ARHGEF4: variants seen among roughly 807,000 people sequenced by gnomAD.
The protein encoded by ARHGEF4 is APC-stimulated guanine nucleotide exchange factor 1.
Under a neutral mutation model 162.0 loss-of-function variants are expected in ARHGEF4, and 119 were observed. The ratio of observed to expected loss-of-function variants is 0.73; its 90% CI spans 0.63 to 0.86. The LOEUF (loss-of-function observed/expected upper bound fraction) is 0.86, where lower values mean the gene tolerates loss of function less well. Ranked by LOEUF, ARHGEF4 falls within the 40% of genes least tolerant of loss-of-function variation. The pLI is 0.00. For synonymous variants in ARHGEF4, 1,014 were observed against 979.9 expected (o/e 1.03, Z -0.65); for missense variants, 2,488 against 2,456.0 (o/e 1.01, Z -0.28).
chr2:131,015,937 T>C (rs1364053416), intron 4 of ARHGEF4, among the ~76,000 whole-genome samples: 1 of 152,162 alleles, frequency 6.6e-6, no homozygotes, highest in African/African-American at 2.4e-5. Context: ...CGTATCCCAG[T>C]CCCGCAGCGC....
At chr2:130,841,196 G>A (rs1489375576) in intron 1 of ARHGEF4, among the ~76,000 whole-genome samples, 4 of 151,794 alleles carry the variant, frequency 2.6e-5, no homozygotes, top group African/African-American at 4.8e-5. Context: ...TCCCAACTAG[G>A]TGGGATTACA....
chr2:130,851,510 C>T (rs1344572632), intron 1 of ARHGEF4, among the ~76,000 whole-genome samples: 1 of 152,204 alleles, frequency 6.6e-6, no homozygotes, highest in Non-Finnish European at 1.5e-5. Flanking sequence ...CGAGGCCTGC[C>T]CTTCGCCCAC....
chr2:130,837,744 G>A (rs1333219393), intron 1 of ARHGEF4: 1 of 345,978 alleles, frequency 2.9e-6, no homozygotes, highest in South Asian at 2.0e-5. Context: ...GTGGTGCTGA[G>A]CTCCGATGGG....
chr2:130,924,434 T>C (rs1375086551), intron 2 of ARHGEF4, among the ~76,000 whole-genome samples: 3 of 151,992 alleles, frequency 2.0e-5, no homozygotes, highest in Admixed American at 2.0e-4. Flanking sequence ...ACCCAGCTAA[T>C]TTTTTATAAT....
chr2:130,983,212 C>G (rs578050916), intron 4 of ARHGEF4, among the ~76,000 whole-genome samples: 47 of 152,258 alleles, frequency 3.1e-4, no homozygotes, highest in African/African-American at 9.6e-4. Context: ...AGATTAAACA[C>G]CATCATTTAA....
intron 4 of ARHGEF4, among the ~76,000 whole-genome samples, chr2:131,021,126 T>A (rs967890360): frequency 6.6e-6 from 1 of 151,966 alleles, no homozygotes; most frequent in African/African-American, 2.4e-5. Flanking sequence ...TGTTCTCCCA[T>A]TCTGTAGGTT....
chr2:131,012,053 T>G (rs2105334075), intron 4 of ARHGEF4: 1 of 642,096 alleles, frequency 1.6e-6, no homozygotes, highest in East Asian at 2.7e-5. Context: ...GCCAAGATTT[T>G]TGTTCTGAGC....
intron 4 of ARHGEF4, among the ~76,000 whole-genome samples, chr2:130,971,009 C>G (rs1245234894): frequency 2.0e-5 from 3 of 152,098 alleles, no homozygotes; most frequent in African/African-American, 7.2e-5. Flanking sequence ...CAGAGAGTTT[C>G]TTTTATGTTT....
Position 130,917,421 on chromosome 2 carries a change from G to A in ARHGEF4, c.3475G>A (p.Glu1159Lys). 2 of 1,550,672 alleles carry A rather than the reference G, an allele frequency of 1.3e-6. No homozygotes were observed. Among genetic ancestry groups the A allele is most frequent in the Non-Finnish European group, 1.7e-6 (2 of 1,147,016 alleles). Reference sequence around the variant, plus strand: ...GACGCTAAACCAAGATGAGCAGAAGGAAGAGAGCAGGGAAGGAGGCCAGGG... The same window carrying A: ...GACGCTAAACCAAGATGAGCAGAAGAAAGAGAGCAGGGAAGGAGGCCAGGG... ...LQTLNQDEQKEESREGGQGPR... is the reference protein window; with the variant it reads ...LQTLNQDEQKKESREGGQGPR... Residue 1159 changes from glutamate to lysine, a missense_variant, in exon 2 of 14, where the codon GAA becomes AAA. By Grantham distance (56) the Glu-to-Lys change is moderately conservative. Coordinates refer to ENST00000409359, the MANE Select transcript of ARHGEF4 (RefSeq NM_001367493.1).
chr2:130,870,345 C>G (rs538241038), intron 1 of ARHGEF4, among the ~76,000 whole-genome samples: 1 of 152,214 alleles, frequency 6.6e-6, no homozygotes, highest in African/African-American at 2.4e-5. Context: ...GAGCAACGGG[C>G]ATGCTGAGAT....
chr2:130,922,511 G>A (rs922216506), intron 2 of ARHGEF4, among the ~76,000 whole-genome samples: 14 of 152,210 alleles, frequency 9.2e-5, no homozygotes, highest in Non-Finnish European at 1.5e-4. Flanking sequence ...AATCAGGAGA[G>A]GGAGTGAGTA....
At chr2:130,984,894 A>C (rs1686378808) in intron 4 of ARHGEF4, among the ~76,000 whole-genome samples, 1 of 151,940 alleles carries the variant, frequency 6.6e-6, no homozygotes, top group Admixed American at 6.6e-5. Flanking sequence ...AATTTCCCAA[A>C]TTGAGAGGAG....
chr2:130,880,075 G>A (rs1231464203), intron 1 of ARHGEF4, among the ~76,000 whole-genome samples: 1 of 152,198 alleles, frequency 6.6e-6, no homozygotes, highest in Non-Finnish European at 1.5e-5. Flanking sequence ...CTGTAAGCAC[G>A]CGATGCCATT....
At chr2:130,980,954 A>T (rs1303348953) in intron 4 of ARHGEF4, among the ~76,000 whole-genome samples, 1 of 152,240 alleles carries the variant, frequency 6.6e-6, no homozygotes, top group Non-Finnish European at 1.5e-5. Flanking sequence ...AACCAACTCA[A>T]ATTGTTGATT....
chr2:130,837,299 A>T (rs1350879987), intron 1 of ARHGEF4, among the ~76,000 whole-genome samples: 1 of 151,768 alleles, frequency 6.6e-6, no homozygotes, highest in East Asian at 2.0e-4. Flanking sequence ...CCGCACCTGG[A>T]CCGTCCTGGG....
At position 131,045,399 on chromosome 2, in the gene ARHGEF4, A is replaced by C; in HGVS notation, c.5432A>C (p.Gln1811Pro). The C allele has an allele frequency of 6.2e-7, 1 of 1,613,530 alleles. No individual in the cohort carries two copies. The highest frequency in any genetic ancestry group is 8.5e-7 in the Non-Finnish European group (1 of 1,180,004). The change falls in exon 13 of 14, where the codon CAG becomes CCG. Residue 1811 changes from glutamine to proline, a missense_variant. Physicochemically the swap from Gln to Pro is moderately conservative, Grantham distance 76. Transcript: ENST00000409359. Reference protein sequence around the residue: ...GFSITELQRKQAMLNASKQQV... With the variant: ...GFSITELQRKPAMLNASKQQV... ...TCCATCACTGAACTGCAGAGGAAGCAGGCCATGCTGAATGCCAGCAAGCAG... is the reference window on the plus strand; with the variant it reads ...TCCATCACTGAACTGCAGAGGAAGCCGGCCATGCTGAATGCCAGCAAGCAG...
At chr2:131,039,397 C>A (rs1690582137) in intron 6 of ARHGEF4, 3 of 1,060,378 alleles carry the variant, frequency 2.8e-6, no homozygotes, top group East Asian at 1.6e-4. Flanking sequence ...CCATGACTTA[C>A]ACCTGAAGAA....
intron 1 of ARHGEF4, among the ~76,000 whole-genome samples, chr2:130,871,105 A>AT (rs1340473936): frequency 1.3e-5 from 2 of 152,154 alleles, no homozygotes; most frequent in Non-Finnish European, 2.9e-5. Context: ...TCTGGGGGGC[A>AT]TAAAGGGGCC....
intron 4 of ARHGEF4, among the ~76,000 whole-genome samples, chr2:131,004,633 C>A (rs959348249): frequency 6.6e-6 from 1 of 152,038 alleles, no homozygotes; most frequent in Non-Finnish European, 1.5e-5. Context: ...CAGGCCTGAC[C>A]CGGCCGTGAG....
Sources: gnomAD v4.1 joint callset for allele counts (sites outside exome capture counted in the v4.1 genomes callset) on GRCh38, gnomAD v4.1.1 for gene constraint, MANE v1.5 for transcripts, NCBI Gene and HGNC (gene_info 2026-07-23, HGNC 2026-07-21) for gene names.